BRCA2: variants seen among roughly 807,000 people sequenced by gnomAD.
The protein encoded by BRCA2 is breast cancer type 2 susceptibility protein.
BRCA2 carries 203 observed loss-of-function variants against 276.7 expected under a neutral mutation model. That is an observed-to-expected ratio of 0.73 (90% CI 0.65 to 0.82). The LOEUF (loss-of-function observed/expected upper bound fraction) is 0.82. Ranked by LOEUF, BRCA2 falls within the 40% of genes least tolerant of loss-of-function variation. The pLI, the probability that BRCA2 is intolerant of heterozygous loss-of-function variation, is 0.00. For synonymous variants in BRCA2, 1,289 were observed against 1,338.4 expected, an observed-to-expected ratio of 0.96 and a Z score of 0.81; for missense variants, 3,920 against 3,915.0, an observed-to-expected ratio of 1.00 and a Z score of -0.03.
intron 24 of BRCA2, chr13:32,385,173 T>C (rs1049966032): frequency 1.9e-5 from 4 of 210,224 alleles, no homozygotes; most frequent in Non-Finnish European, 3.0e-5. Flanking sequence ...TGGCAGTGGC[T>C]GCTGAAAACC....
chr13:32,331,821 CTG>C (rs2072393641), intron 9 of BRCA2, among the ~76,000 whole-genome samples: 1 of 151,630 alleles, frequency 6.6e-6, no homozygotes, highest in Admixed American at 6.6e-5. Context: ...GTCTGTATAA[CTG>C]TGTAGGATTT....
At chr13:32,354,705 A>G (rs532114630) in intron 13 of BRCA2, among the ~76,000 whole-genome samples, 156 bp from the exon 14 acceptor site, 1 of 152,348 alleles carries the variant, frequency 6.6e-6, no homozygotes, top group African/African-American at 2.4e-5. Flanking sequence ...GCCTTGAAAA[A>G]TGTGATATTG....
At chr13:32,316,936 G>A (rs1209153587) in intron 2 of BRCA2, among the ~76,000 whole-genome samples, 3 of 152,194 alleles carry the variant, frequency 2.0e-5, no homozygotes, top group Non-Finnish European at 4.4e-5. Context: ...GGTGGCTCAC[G>A]CCTGTAATCC....
intron 3 of BRCA2, among the ~76,000 whole-genome samples, chr13:32,323,205 T>G (rs1390661501): frequency 6.7e-6 from 1 of 149,850 alleles, no homozygotes; most frequent in Non-Finnish European, 1.5e-5. Context: ...CAGGCTGGAG[T>G]GCAGTGGCGT....
chr13:32,356,644 G>A (rs2137563930), intron 15 of BRCA2, 35 bp downstream of exon 15: 3 of 1,602,618 alleles, frequency 1.9e-6, no homozygotes, highest in Non-Finnish European at 2.6e-6. Context: ...TGGCTTTTAT[G>A]ACAGAGTGTA....
At position 32,339,604 on chromosome 13, in the gene BRCA2, C is replaced by G. The variant is rs80358748; in HGVS notation, c.5249C>G (p.Ser1750Cys). Residue 1750 changes from serine to cysteine, a missense_variant, in exon 11 of 27, where the codon TCC (serine) becomes TGC (cysteine). Around this residue, in one of 2 missense-constraint regions of BRCA2, gnomAD observed 3,263 missense variants for 3,156.9 expected, o/e 1.03. Coordinates refer to ENST00000380152, the MANE Select transcript of BRCA2 (RefSeq NM_000059.4). Reference protein sequence around the residue: ...LSNSSMSNSYSYHSDEVYNDS... With the variant: ...LSNSSMSNSYCYHSDEVYNDS... ...AACAGTAGCATGTCTAACAGCTATT[C>G]CTACCATTCTGATGAGGTATATAAT... 1 of 1,611,364 alleles carries G rather than the reference C, an allele frequency of 6.2e-7. No individual in the cohort carries two copies. Among genetic ancestry groups the G allele is most frequent in the Non-Finnish European group, 8.5e-7 (1 of 1,178,326 alleles).
rs80359805 is a variant in BRCA2, at chr13:32,380,126, T to C, written c.9237T>C (p.Val3079=). The C allele has an allele frequency of 9.3e-6, 15 of 1,613,500 alleles. No homozygotes were observed. The African/African-American group carries it at 1.6e-4, about 17-fold the overall frequency. The stretch of plus-strand genomic sequence containing the variant: ...AGGTGGACCTAATAGGATTTGTCGT[T>C]TCTGTTGTGAAAAAAACAGGTAATG... ...CSEVDLIGFV[V]SVVKKTGLAP... The change falls in exon 24 of 27, where the codon GTT becomes GTC. Residue 3079 remains valine, a synonymous_variant. Transcript: ENST00000380152.
At chr13:32,375,840 G>GTT (rs2072867767) in intron 20 of BRCA2, among the ~76,000 whole-genome samples, 1 of 151,740 alleles carries the variant, frequency 6.6e-6, no homozygotes, top group Non-Finnish European at 1.5e-5. Flanking sequence ...GATTACAGGT[G>GTT]TAAGCCACCG....
chr13:32,378,813 A>C (rs1168305960), intron 21 of BRCA2, among the ~76,000 whole-genome samples: 1 of 152,142 alleles, frequency 6.6e-6, no homozygotes, highest in Non-Finnish European at 1.5e-5. Flanking sequence ...ATCTGTTTTA[A>C]ATTGTATCTA....
At chr13:32,355,751 G>A (rs2072688662) in intron 14 of BRCA2, among the ~76,000 whole-genome samples, 1 of 151,688 alleles carries the variant, frequency 6.6e-6, no homozygotes, top group Non-Finnish European at 1.5e-5. Context: ...GTGGTGGCAG[G>A]CACCTGTAAT....
chr13:32,379,978 A>G, intron 23 of BRCA2, 29 bp from the exon 24 acceptor site: 1 of 1,613,584 alleles, frequency 6.2e-7, no homozygotes, highest in South Asian at 1.1e-5. Context: ...GAATCTCCAT[A>G]TGTTGAATTT....
chr13:32,367,847 T>C (rs892257152), intron 18 of BRCA2, among the ~76,000 whole-genome samples: 1 of 151,916 alleles, frequency 6.6e-6, no homozygotes, highest in African/African-American at 2.4e-5. Context: ...ATCAAGCATT[T>C]ATCTTTCTTC....
rs752311184 is a variant in BRCA2 at position 32,339,194 on chromosome 13, T to G, written c.4839T>G (p.Pro1613=). 2 of 1,613,590 alleles carry G rather than the reference T, an allele frequency of 1.2e-6. No individual in the cohort carries two copies. The highest frequency in any genetic ancestry group is 2.2e-5 in the South Asian group (2 of 91,052). Residue 1613 remains proline, a synonymous_variant, in exon 11 of 27, where the codon CCT becomes CCG. Transcript: ENST00000380152. ...TTTCTATTGAGACTGTGGTGCCACC[T>G]AAGCTCTTAAGTGATAATTTATGTA... ...NLVSIETVVP[P]KLLSDNLCRQ...
At chr13:32,346,749 A>G in intron 12 of BRCA2, 78 bp from the exon 13 acceptor site, 1 of 1,201,936 alleles carries the variant, frequency 8.3e-7, no homozygotes, top group Non-Finnish European at 1.2e-6. Context: ...ATTGTCTCAA[A>G]TTTTTTGTGT....
intron 3 of BRCA2, among the ~76,000 whole-genome samples, chr13:32,320,986 C>T (rs1182511475): frequency 6.6e-6 from 1 of 152,050 alleles, no homozygotes; most frequent in East Asian, 1.9e-4. Flanking sequence ...CCTGAATGAT[C>T]CCTATAGAAA....
Position 32,346,784 on chromosome 13 carries a change from T to C in BRCA2, c.6938-43T>C, listed in dbSNP as rs748906338. On this transcript the variant is annotated intron_variant, in intron 12 of 26. Coordinates refer to ENST00000380152, the MANE Select transcript of BRCA2 (RefSeq NM_000059.4). ...TATTTACAGTAACATGGATATTCTC[T>C]TAGATTTTAACTAATATGTAATATA... 1.3e-6 allele frequency: 2 copies of C among 1,496,650 alleles called. No homozygotes were observed. The highest frequency in any genetic ancestry group is 1.8e-6 in the Non-Finnish European group (2 of 1,090,990). 92.7% of individuals were successfully genotyped at this position (1,496,650 alleles called of 1,614,324 possible).
intron 24 of BRCA2, among the ~76,000 whole-genome samples, chr13:32,387,106 C>A (rs1241224698): frequency 6.6e-6 from 1 of 152,098 alleles, no homozygotes; most frequent in Admixed American, 6.5e-5. Flanking sequence ...TAAATTTCCC[C>A]ATATATTAGG....
intron 13 of BRCA2, among the ~76,000 whole-genome samples, chr13:32,353,443 T>G (rs1005281251): frequency 6.6e-6 from 1 of 150,546 alleles, no homozygotes; most frequent in African/African-American, 2.4e-5. Flanking sequence ...AACTATTCCG[T>G]GGTGTGCCAT....
Position 32,336,631 on chromosome 13 carries a change from T to C in BRCA2, c.2276T>C (p.Leu759Pro), listed in dbSNP as rs1555282592. 3 of 1,613,972 alleles carry C rather than the reference T, an allele frequency of 1.9e-6. No homozygotes were observed. Among genetic ancestry groups the C allele is most frequent in the Non-Finnish European group, 2.5e-6 (3 of 1,179,980 alleles). Residue 759 changes from leucine (L) to proline (P), a missense_variant, in exon 11 of 27, where the codon CTT becomes CCT. By Grantham distance (98) the Leu-to-Pro change is moderately conservative. Transcript: ENST00000380152. ...SDTDFQSQKS[L>P]LYDHENASTL... ...ACTGACTTTCAATCCCAGAAAAGTCTTTTATATGATCATGAAAATGCCAGC... is the reference window on the plus strand; with the variant it reads ...ACTGACTTTCAATCCCAGAAAAGTCCTTTATATGATCATGAAAATGCCAGC...
Sources: allele counts gnomAD v4.1 joint callset (sites outside exome capture counted in the v4.1 genomes callset), GRCh38; gene constraint gnomAD v4.1.1; regional missense constraint gnomAD v4.1.1; transcripts MANE v1.5; gene names NCBI Gene and HGNC (gene_info 2026-07-23, HGNC 2026-07-21).